The following NPEPPS variants were observed in gnomAD, a reference collection of about 807,000 sequenced individuals.
NPEPPS encodes the protein puromycin-sensitive aminopeptidase.
A neutral mutation model predicts 115.5 loss-of-function variants in NPEPPS; 14 were observed. The ratio of observed to expected loss-of-function variants is 0.12; its 90% CI spans 0.08 to 0.19. The LOEUF (loss-of-function observed/expected upper bound fraction) is 0.19, where lower values mean the gene tolerates loss of function less well. Among genes scored for constraint, NPEPPS ranks in the 10% least tolerant of loss-of-function variants. The pLI is 1.00. For missense variants in NPEPPS, 523 were observed against 1,110.8 expected (o/e 0.47, Z 7.52); for synonymous variants, 285 against 390.6 (o/e 0.73, Z 3.19).
At position 47,618,338 on chromosome 17, in the gene NPEPPS, T is replaced by G; in HGVS notation, c.2296-12T>G. On this transcript the variant is annotated splice_polypyrimidine_tract_variant and intron_variant, in intron 19 of 22. Coordinates refer to ENST00000322157, the MANE Select transcript of NPEPPS (RefSeq NM_006310.4). The stretch of plus-strand genomic sequence containing the variant: ...GAGTTAACTATTCCTATCTTTATCT[T>G]TTTTCCTGTAGCTTCATAAACAAGC... 2 of 1,582,528 alleles carry G rather than the reference T, an allele frequency of 1.3e-6. No homozygotes were observed. Among genetic ancestry groups the G allele is most frequent in the Non-Finnish European group, 1.7e-6 (2 of 1,151,610 alleles).
intron 2 of NPEPPS, among the ~76,000 whole-genome samples, chr17:47,564,584 A>G (rs1723257042): frequency 6.6e-6 from 1 of 151,048 alleles, no homozygotes; most frequent in African/African-American, 2.4e-5. Context: ...ATTTCCAATT[A>G]TGAATATATT....
At position 47,562,607 on chromosome 17, in the gene NPEPPS, AGTGTGT is replaced by A. The variant is rs4060776; in HGVS notation, c.341-6789_341-6784del. Reference sequence around the variant, plus strand: ...ATGTAGGAAGGCTTTTTTGATGCAGAGTGTGTGTGTGTGTGTGTGTGTGTGTATATG... The same window carrying A: ...ATGTAGGAAGGCTTTTTTGATGCAGAGTGTGTGTGTGTGTGTGTGTATATG... On this transcript the variant is annotated intron_variant, in intron 2 of 22. Coordinates refer to ENST00000322157, the MANE Select transcript of NPEPPS (RefSeq NM_006310.4). Among the ~76,000 whole-genome samples, 599 of 147,328 alleles carry A rather than the reference AGTGTGT, an allele frequency of 4.1e-3. 1 individual carries two copies. The highest frequency in any genetic ancestry group is 0.013 in the African/African-American group (543 of 40,260).
In NPEPPS at chr17:47,531,417, C is replaced by G. The variant is rs1157998929; in HGVS notation, c.117C>G (p.Ser39Arg). ...FSRSSRRRLHSLGLAAMPEKR... is the reference protein window; with the variant it reads ...FSRSSRRRLHRLGLAAMPEKR... ...GCTCCTCTCGCCGCCGCCTCCACAG[C>G]CTGGGCCTCGCCGCGATGCCGGAGA... The change falls in exon 1 of 23, where the codon AGC (serine) becomes AGG (arginine). Residue 39 changes from serine (S) to arginine (R), a missense_variant. Ser to Arg is a moderately radical substitution (Grantham distance 110, BLOSUM62 -1). Transcript: ENST00000322157. 6.5e-7 allele frequency: 1 copy of G among 1,547,404 alleles called. No individual in the cohort carries two copies. Among genetic ancestry groups the G allele is most frequent in the Non-Finnish European group, 8.7e-7 (1 of 1,146,262 alleles).
At chr17:47,601,346 G>A (rs1435589372) in intron 14 of NPEPPS, among the ~76,000 whole-genome samples, 1 of 151,958 alleles carries the variant, frequency 6.6e-6, no homozygotes, top group African/African-American at 2.4e-5. Flanking sequence ...TGATAATTAA[G>A]TTTAAGTCAT....
chr17:47,535,026 C>T (rs1252483563), intron 1 of NPEPPS, among the ~76,000 whole-genome samples: 102 of 141,038 alleles, frequency 7.2e-4, no homozygotes, highest in Middle Eastern at 4.3e-3. Flanking sequence ...GGGCGGATCA[C>T]GAGGTCAGGA....
intron 18 of NPEPPS, 111 bp downstream of exon 18, chr17:47,612,713 GA>G: frequency 9.8e-7 from 1 of 1,020,018 alleles, no homozygotes; most frequent in Non-Finnish European, 1.4e-6. Context: ...GCCCAGGCTG[GA>G]GTGCAGTGGC....
intron 2 of NPEPPS, among the ~76,000 whole-genome samples, chr17:47,563,735 T>C (rs1314621734): frequency 2.6e-5 from 4 of 152,004 alleles, no homozygotes; most frequent in African/African-American, 9.7e-5. Flanking sequence ...CACACCCAGC[T>C]AATTTTTTGT....
At chr17:47,584,859 G>A (rs561472886) in intron 5 of NPEPPS, among the ~76,000 whole-genome samples, 6 of 152,214 alleles carry the variant, frequency 3.9e-5, no homozygotes, top group African/African-American at 7.2e-5. Flanking sequence ...AAGGAGTCTC[G>A]CTGTGTCGCC....
chr17:47,601,877 C>A, intron 15 of NPEPPS, 130 bp downstream of exon 15: 1 of 919,916 alleles, frequency 1.1e-6, no homozygotes, highest in Non-Finnish European at 1.6e-6. Context: ...AAACTTAGGA[C>A]GAATTTTCAT....
intron 1 of NPEPPS, among the ~76,000 whole-genome samples, chr17:47,524,221 C>T (rs1473240585): frequency 2.0e-5 from 3 of 151,480 alleles, no homozygotes; most frequent in Non-Finnish European, 2.9e-5. Flanking sequence ...GCAGGAAAAT[C>T]GCTTGAACCC....
intron 19 of NPEPPS, among the ~76,000 whole-genome samples, chr17:47,615,434 A>AT (rs1314191301): frequency 6.6e-6 from 1 of 152,110 alleles, no homozygotes; most frequent in Non-Finnish European, 1.5e-5. Context: ...GCATGCACCT[A>AT]TATTTCCAGC....
intron 1 of NPEPPS, among the ~76,000 whole-genome samples, chr17:47,525,189 T>A (rs1038862019): frequency 1.2e-4 from 18 of 152,150 alleles, no homozygotes; most frequent in African/African-American, 4.3e-4. Context: ...CTTCCATTCC[T>A]CTAGCCCAAG....
Position 47,587,702 on chromosome 17 carries a change from A to G in NPEPPS, c.1095+358A>G, listed in dbSNP as rs141169412. Among the ~76,000 whole-genome samples, 73 of 152,340 alleles carry G rather than the reference A, an allele frequency of 4.8e-4. 1 individual carries two copies. The Middle Eastern group carries it at 0.027, about 57-fold the overall frequency. On this transcript the variant is annotated intron_variant, in intron 9 of 22. Coordinates refer to ENST00000322157, the MANE Select transcript of NPEPPS (RefSeq NM_006310.4). Reference sequence around the variant, plus strand: ...TGTAGTTTCTTGAATCTTATTTGTTAATCTGATTCACAGCTGAAAAGTAAC... The same window carrying G: ...TGTAGTTTCTTGAATCTTATTTGTTGATCTGATTCACAGCTGAAAAGTAAC...
intron 1 of NPEPPS, among the ~76,000 whole-genome samples, chr17:47,536,775 G>A (rs374471012): frequency 1.4e-5 from 2 of 144,140 alleles, no homozygotes; most frequent in Non-Finnish European, 3.0e-5. Context: ...GCAATGGCGC[G>A]ATCTCGGCTC....
chr17:47,575,367 A>G (rs892393850), intron 3 of NPEPPS, among the ~76,000 whole-genome samples: 3 of 152,072 alleles, frequency 2.0e-5, no homozygotes, highest in Non-Finnish European at 4.4e-5. Context: ...TAAGAGATGT[A>G]TCATTCTTGA....
At chr17:47,588,167 A>G (rs1912301557) in intron 9 of NPEPPS, among the ~76,000 whole-genome samples, 1 of 152,262 alleles carries the variant, frequency 6.6e-6, no homozygotes, top group African/African-American at 2.4e-5. Flanking sequence ...ATCAACTATT[A>G]CGTGTCTCAG....
chr17:47,612,590 T>C lies in NPEPPS; in HGVS notation c.2226T>C (p.Asp742=). ...HVEGKQILSA[D]LRSPVYLTVL... Reference sequence around the variant, plus strand: ...AAGGAAAACAGATTCTCTCCGCTGATCTGAGGAGTCCTGTAGGTTTTCATC... The same window carrying C: ...AAGGAAAACAGATTCTCTCCGCTGACCTGAGGAGTCCTGTAGGTTTTCATC... Residue 742 remains aspartate, a synonymous_variant, in exon 18 of 23, where the codon GAT becomes GAC. Coordinates refer to ENST00000322157, the MANE Select transcript of NPEPPS (RefSeq NM_006310.4). 3.1e-6 allele frequency: 5 copies of C among 1,613,700 alleles called. No individual in the cohort carries two copies. Among genetic ancestry groups the C allele is most frequent in the Non-Finnish European group, 4.2e-6 (5 of 1,179,822 alleles).
chr17:47,545,439 A>C (rs879929237), intron 1 of NPEPPS, among the ~76,000 whole-genome samples: 1 of 152,038 alleles, frequency 6.6e-6, no homozygotes, highest in African/African-American at 2.4e-5. Flanking sequence ...TGGATTATTA[A>C]AACTTCATTT....
At chr17:47,613,838 G>A (rs531208562) in intron 19 of NPEPPS, 113 bp downstream of exon 19, 2 of 704,230 alleles carry the variant, frequency 2.8e-6, no homozygotes, top group Middle Eastern at 4.0e-4. Flanking sequence ...GATGCATATT[G>A]TAGACATGCA....
Sources: gnomAD v4.1 joint callset for allele counts (sites outside exome capture counted in the v4.1 genomes callset) on GRCh38, gnomAD v4.1.1 for gene constraint, MANE v1.5 for transcripts, NCBI Gene and HGNC (gene_info 2026-07-23, HGNC 2026-07-21) for gene names.